Variants in NXPE3 observed in about 807,000 individuals in gnomAD.
NXPE3 encodes the protein NXPE family member 3.
A neutral mutation model predicts 46.1 loss-of-function variants in NXPE3; 26 were observed. That is an observed-to-expected ratio of 0.56 (90% CI 0.41 to 0.78). NXPE3 has a LOEUF of 0.78. Ranked by LOEUF, NXPE3 falls within the 30% of genes least tolerant of loss-of-function variation. The pLI is 0.00. For synonymous variants in NXPE3, 272 were observed against 257.9 expected, an observed-to-expected ratio of 1.05 and a Z score of -0.52; for missense variants, 620 against 686.0, an observed-to-expected ratio of 0.90 and a Z score of 1.07.
chr3:101,786,491 A>G (rs566194711), intron 4 of NXPE3, among the ~76,000 whole-genome samples: 40 of 152,244 alleles, frequency 2.6e-4, no homozygotes, highest in Non-Finnish European at 4.6e-4. Flanking sequence ...AAATGGGCAC[A>G]CTAAGGTCCT....
At position 101,794,527 on chromosome 3, in the gene NXPE3, G is replaced by A. The variant is rs76466001; in HGVS notation, c.94-6708G>A. Among the ~76,000 whole-genome samples the A allele has an allele frequency of 7.8e-3, 1,192 of 152,268 alleles. 18 individuals are homozygous for A. The highest frequency in any genetic ancestry group is 0.027 in the African/African-American group (1,139 of 41,544). On this transcript the variant is annotated intron_variant, in intron 4 of 7. Coordinates refer to ENST00000273347, the MANE Select transcript of NXPE3 (RefSeq NM_145037.4). ...AATAATGGTTTTCTAGATGGAGTTCGAAATAATGGATTTCTAGATGGAGTA... is the reference window on the plus strand; with the variant it reads ...AATAATGGTTTTCTAGATGGAGTTCAAAATAATGGATTTCTAGATGGAGTA...
At chr3:101,809,463 C>T (rs1175565589) in intron 6 of NXPE3, among the ~76,000 whole-genome samples, 1 of 152,134 alleles carries the variant, frequency 6.6e-6, no homozygotes, top group Non-Finnish European at 1.5e-5. Context: ...CATTCTGTTT[C>T]TGCTTAAACT....
At chr3:101,783,767 AT>A (rs1162814762) in intron 3 of NXPE3, among the ~76,000 whole-genome samples, 5 of 149,266 alleles carry the variant, frequency 3.3e-5, no homozygotes, top group East Asian at 2.0e-4. Context: ...TGGAAACCTG[AT>A]TTTTTTTTTA....
intron 4 of NXPE3, among the ~76,000 whole-genome samples, chr3:101,788,398 G>A (rs1940314005): frequency 6.6e-6 from 1 of 152,138 alleles, no homozygotes; most frequent in Non-Finnish European, 1.5e-5. Flanking sequence ...CAGTTTATCT[G>A]TTTTGACTTT....
In NXPE3 at chr3:101,793,770, A is replaced by G. The variant is rs184713228; in HGVS notation, c.94-7465A>G. Among the ~76,000 whole-genome samples the G allele has an allele frequency of 4.7e-3, 714 of 151,392 alleles. 4 individuals carry two copies. The highest frequency in any genetic ancestry group is 5.5e-3 in the Non-Finnish European group (370 of 67,852). The stretch of plus-strand genomic sequence containing the variant: ...TCAGTAGTTCTCTCCCCAGCCTCCA[A>G]TAGTTTCTTTATACACATATGCTTA... On this transcript the variant is annotated intron_variant, in intron 4 of 7. Coordinates refer to ENST00000273347, the MANE Select transcript of NXPE3 (RefSeq NM_145037.4).
At chr3:101,794,018 G>A (rs576995910) in intron 4 of NXPE3, among the ~76,000 whole-genome samples, 68 of 151,906 alleles carry the variant, frequency 4.5e-4, no homozygotes, top group Non-Finnish European at 9.3e-4. Context: ...CAGTCCTTGG[G>A]CTCATCTCGT....
At chr3:101,787,149 T>C (rs550057490) in intron 4 of NXPE3, among the ~76,000 whole-genome samples, 90 of 129,666 alleles carry the variant, frequency 6.9e-4, no homozygotes, top group African/African-American at 2.4e-3. Flanking sequence ...GGAGACTGTC[T>C]CAAAAAAAAA....
chr3:101,780,714 A>G (rs1027498809), intron 1 of NXPE3, among the ~76,000 whole-genome samples: 8 of 152,236 alleles, frequency 5.3e-5, no homozygotes, highest in African/African-American at 1.9e-4. Flanking sequence ...AATGTGTTCA[A>G]TATTTAAAAA....
At chr3:101,800,828 A>G (rs1014869126) in intron 4 of NXPE3, among the ~76,000 whole-genome samples, 28 of 151,300 alleles carry the variant, frequency 1.9e-4, no homozygotes, top group African/African-American at 6.8e-4. Flanking sequence ...GTTTCTTTGG[A>G]TTAGTGTTAG....
intron 4 of NXPE3, among the ~76,000 whole-genome samples, chr3:101,788,288 C>T (rs1940308423): frequency 6.6e-6 from 1 of 152,098 alleles, no homozygotes; most frequent in Admixed American, 6.5e-5. Flanking sequence ...CACTCCTTAT[C>T]AGACATATGA....
intron 5 of NXPE3, among the ~76,000 whole-genome samples, 182 bp from the exon 6 acceptor site, chr3:101,806,871 A>G (rs1460748361): frequency 6.6e-6 from 1 of 152,208 alleles, no homozygotes; most frequent in Non-Finnish European, 1.5e-5. Flanking sequence ...GTTTTTATGT[A>G]CATAAAACCT....
At chr3:101,788,891 C>T (rs1014316048) in intron 4 of NXPE3, among the ~76,000 whole-genome samples, 16 of 152,006 alleles carry the variant, frequency 1.1e-4, no homozygotes, top group East Asian at 7.7e-4. Context: ...GCTGGGATTA[C>T]GAGCATGAGC....
In NXPE3 at chr3:101,801,963, C is replaced by T. The variant is rs201844634; in HGVS notation, c.822C>T (p.Thr274=). 104 of 1,610,506 alleles carry T rather than the reference C, an allele frequency of 6.5e-5. 1 individual carries two copies. The highest frequency in any genetic ancestry group is 5.9e-4 in the South Asian group (54 of 90,892). The change falls in exon 5 of 8, where the codon ACC becomes ACT. Residue 274 remains threonine (T), a synonymous_variant. Transcript: ENST00000273347. ...FKGGYLKGLL[T]AAESAFFQSG... ...GTGGATACCTGAAAGGTCTCCTAAC[C>T]GCTGCAGAGAGTGCTTTCTTCCAGA...
chr3:101,794,806 CTTT>C (rs1940729827), intron 4 of NXPE3, among the ~76,000 whole-genome samples: 1 of 152,122 alleles, frequency 6.6e-6, no homozygotes, highest in African/African-American at 2.4e-5. Context: ...GAAAATTATT[CTTT>C]TGTTCTACTT....
In NXPE3 at chr3:101,801,542, G is replaced by T; in HGVS notation, c.401G>T (p.Arg134Ile). 1.9e-6 allele frequency: 3 copies of T among 1,614,214 alleles called. No individual in the cohort carries two copies. Among genetic ancestry groups the T allele is most frequent in the Non-Finnish European group, 2.5e-6 (3 of 1,180,046 alleles). ...EVLVHVQDFQ[R>I]KPKKYGGDYL... ...CTGGTTCATGTGCAGGATTTTCAAA[G>T]AAAGCCCAAGAAGTATGGTGGAGAC... The change falls in exon 5 of 8, where the codon AGA (arginine) becomes ATA (isoleucine). Residue 134 changes from arginine to isoleucine, a missense_variant. This residue lies in a region of NXPE3 where 511 missense variants were observed against 528.6 expected (regional missense o/e 0.97). Coordinates refer to ENST00000273347, the MANE Select transcript of NXPE3 (RefSeq NM_145037.4).
intron 3 of NXPE3, among the ~76,000 whole-genome samples, chr3:101,784,641 A>C (rs1400851312): frequency 6.6e-6 from 1 of 152,212 alleles, no homozygotes; most frequent in African/African-American, 2.4e-5. Context: ...TACCTGTATC[A>C]AAATGGCAAG....
intron 6 of NXPE3, among the ~76,000 whole-genome samples, chr3:101,807,744 TTTAAATCAATTAAGA>T (rs1941489273): frequency 6.6e-6 from 1 of 152,090 alleles, no homozygotes; most frequent in African/African-American, 2.4e-5. Flanking sequence ...GTGATTCAAA[TTTAAATCAATTAAGA>T]TTAAATAAAA....
At chr3:101,794,865 T>C (rs949093955) in intron 4 of NXPE3, among the ~76,000 whole-genome samples, 12 of 152,340 alleles carry the variant, frequency 7.9e-5, no homozygotes, top group African/African-American at 2.6e-4. Flanking sequence ...AAGGCTCTAA[T>C]TATTTGAACG....
intron 2 of NXPE3, 25 bp downstream of exon 2, chr3:101,782,315 T>C (rs1330308650): frequency 1.3e-5 from 2 of 152,188 alleles, no homozygotes; most frequent in Non-Finnish European, 2.9e-5. Context: ...ATTATATATT[T>C]TTATTTTTTT....
Sources: gnomAD v4.1 joint callset for allele counts (sites outside exome capture counted in the v4.1 genomes callset) on GRCh38, gnomAD v4.1.1 for gene constraint, gnomAD v4.1.1 regional missense constraint, MANE v1.5 for transcripts, NCBI Gene and HGNC (gene_info 2026-07-23, HGNC 2026-07-21) for gene names.